Variants in PDE9A observed in about 807,000 individuals in gnomAD.
The protein encoded by PDE9A is high affinity cGMP-specific 3',5'-cyclic phosphodiesterase 9A.
In PDE9A, 60 loss-of-function variants were observed where a neutral mutation model predicts 87.4. The observed-to-expected ratio is 0.69, with a 90% CI of 0.56 to 0.85. PDE9A has a LOEUF of 0.85. Ranked by LOEUF, PDE9A falls within the 40% of genes least tolerant of loss-of-function variation. The pLI, the probability that PDE9A is intolerant of heterozygous loss-of-function variation, is 0.00. For missense variants in PDE9A, 665 were observed against 779.0 expected, an observed-to-expected ratio of 0.85 and a Z score of 1.74; for synonymous variants, 272 against 279.4, an observed-to-expected ratio of 0.97 and a Z score of 0.27.
At chr21:42,679,890 G>A (rs1035172036) in intron 1 of PDE9A, among the ~76,000 whole-genome samples, 2 of 152,200 alleles carry the variant, frequency 1.3e-5, no homozygotes, top group African/African-American at 2.4e-5. Flanking sequence ...TGCCAGTCAA[G>A]ATGCTTCTCA....
chr21:42,697,431 T>C (rs201684089), intron 3 of PDE9A: 35 of 1,611,000 alleles, frequency 2.2e-5, no homozygotes, highest in Non-Finnish European at 2.5e-6. Flanking sequence ...GCTCATTCTC[T>C]ATACATCACT....
intron 1 of PDE9A, among the ~76,000 whole-genome samples, chr21:42,670,578 CAT>C (rs2145963462): frequency 1.3e-5 from 2 of 151,824 alleles, no homozygotes; most frequent in South Asian, 4.2e-4. Context: ...ACACACACCA[CAT>C]ACACGCATAC....
At chr21:42,686,294 C>A (rs773479946) in intron 2 of PDE9A, 32 bp downstream of exon 2, 1 of 1,584,276 alleles carries the variant, frequency 6.3e-7, no homozygotes, top group Non-Finnish European at 8.7e-7. Flanking sequence ...TGCCCGGTGA[C>A]GCCACGCGGC....
intron 4 of PDE9A, among the ~76,000 whole-genome samples, chr21:42,713,999 CT>C (rs934846993): frequency 1.4e-4 from 16 of 114,298 alleles, no homozygotes; most frequent in South Asian, 8.8e-4. Context: ...TTTGTTAAAA[CT>C]TTTTTTTTCA....
chr21:42,768,233 C>T lies in PDE9A; in HGVS notation c.1402C>T (p.Arg468Cys), dbSNP rs747344169. 3.1e-6 allele frequency: 5 copies of T among 1,611,252 alleles called. No individual in the cohort carries two copies. The highest frequency in any genetic ancestry group is 1.1e-5 in the South Asian group (1 of 91,036). ...IKCCDISNEV[R>C]PMEVAEPWVD... ...ATGCTGTGATATCTCTAACGAGGTC[C>T]GTCCAATGGAAGTCGCAGAGCCTTG... The change falls in exon 16 of 20, where the codon CGT becomes TGT. Residue 468 changes from arginine (R) to cysteine (C), a missense_variant. By Grantham distance (180) the Arg-to-Cys change is radical (BLOSUM62 -3). Transcript: ENST00000291539.
intron 1 of PDE9A, among the ~76,000 whole-genome samples, chr21:42,676,946 C>T (rs1318197663): frequency 6.6e-6 from 1 of 152,234 alleles, no homozygotes; most frequent in African/African-American, 2.4e-5. Flanking sequence ...TGTGTGAATA[C>T]AGCAGGGCGG....
chr21:42,697,257 G>A (rs1420965186), intron 3 of PDE9A, among the ~76,000 whole-genome samples: 1 of 151,982 alleles, frequency 6.6e-6, no homozygotes, highest in Non-Finnish European at 1.5e-5. Flanking sequence ...GGAGGTCAGT[G>A]CCACACAGGT....
chr21:42,770,646 C>A, intron 17 of PDE9A, 57 bp from the exon 18 acceptor site: 1 of 1,369,212 alleles, frequency 7.3e-7, no homozygotes, highest in East Asian at 2.3e-5. Context: ...TTTTCTCCGA[C>A]GTTTCCCATT....
At chr21:42,682,714 G>A (rs1283971797) in intron 1 of PDE9A, among the ~76,000 whole-genome samples, 1 of 152,192 alleles carries the variant, frequency 6.6e-6, no homozygotes, top group Non-Finnish European at 1.5e-5. Context: ...GTGACCCTGA[G>A]AGCCCCTACC....
chr21:42,768,343 C>T (rs746254562), intron 16 of PDE9A, 51 bp downstream of exon 16: 45 of 1,228,416 alleles, frequency 3.7e-5, no homozygotes, highest in Admixed American at 1.7e-4. Flanking sequence ...ATTAGCCCCA[C>T]TTAGTAAGGG....
In PDE9A at chr21:42,772,516, T is replaced by G. The variant is rs1223957595; in HGVS notation, c.1764T>G (p.Ser588Arg). The G allele has an allele frequency of 1.3e-6, 2 of 1,594,534 alleles. No individual in the cohort carries two copies. The highest frequency in any genetic ancestry group is 1.7e-6 in the Non-Finnish European group (2 of 1,168,600). ...SRERSRDVKN[S>R]EGDCA ...AGAGAAGCAGAGATGTGAAAAACAG[T>G]GAAGGTAATGCTTGCTCTGCTGAAG... Residue 588 changes from serine to arginine, a missense_variant, in exon 19 of 20, where the codon AGT becomes AGG. Ser to Arg is a moderately radical substitution (Grantham distance 110, BLOSUM62 -1). Transcript: ENST00000291539.
At chr21:42,740,641 GAATGGATGGATAGATAGTATATA>G (rs1292258016) in intron 7 of PDE9A, among the ~76,000 whole-genome samples, 94 of 124,908 alleles carry the variant, frequency 7.5e-4, no homozygotes, top group South Asian at 1.6e-3. Flanking sequence ...ATACATAGAT[GAATGGATGGATAGATAGTATATA>G]AATGGATGGA....
At chr21:42,679,130 G>A (rs2059013546) in intron 1 of PDE9A, among the ~76,000 whole-genome samples, 2 of 152,342 alleles carry the variant, frequency 1.3e-5, no homozygotes, top group East Asian at 1.9e-4. Context: ...CATTCACCAA[G>A]GTGAGCCCTG....
At chr21:42,736,489 G>T (rs951125325) in intron 7 of PDE9A, among the ~76,000 whole-genome samples, 21 of 152,122 alleles carry the variant, frequency 1.4e-4, no homozygotes, top group Admixed American at 4.6e-4. Flanking sequence ...CACATAGATG[G>T]CCTGGAAAAG....
chr21:42,676,617 G>A (rs994026067), intron 1 of PDE9A, among the ~76,000 whole-genome samples: 4 of 152,172 alleles, frequency 2.6e-5, no homozygotes, highest in Non-Finnish European at 5.9e-5. Flanking sequence ...TCCTTGCTGA[G>A]CCGTGTTCCA....
Position 42,687,923 on chromosome 21 carries a change from G to A in PDE9A, c.147G>A (p.Thr49=), listed in dbSNP as rs191138559. ...FCIATGLPRN[T]TISLLTTDDA... ...GCTTGGGTGTGTTTTCCAGGAACAC[G>A]ACCATCTCCCTGCTGACCACCGACG... is the stretch of plus-strand genomic sequence containing the variant. Residue 49 remains threonine, a synonymous_variant, in exon 3 of 20, where the codon ACG becomes ACA. Coordinates refer to ENST00000291539, the MANE Select transcript of PDE9A (RefSeq NM_002606.3). 4.2e-5 allele frequency: 67 copies of A among 1,612,936 alleles called. No individual in the cohort carries two copies. The East Asian group carries it at 8.5e-4, about 20-fold the overall frequency.
At chr21:42,726,199 C>A (rs1166057582) in intron 4 of PDE9A, among the ~76,000 whole-genome samples, 2 of 152,190 alleles carry the variant, frequency 1.3e-5, no homozygotes, top group East Asian at 3.8e-4. Context: ...ATTCTTTATA[C>A]ATGCTATCTG....
At chr21:42,710,129 C>T (rs1037556541) in intron 4 of PDE9A, among the ~76,000 whole-genome samples, 1 of 151,146 alleles carries the variant, frequency 6.6e-6, no homozygotes, top group African/African-American at 2.4e-5. Context: ...CAAGCTGGGC[C>T]GGGCACAGTG....
chr21:42,736,067 G>A (rs1299245936), intron 7 of PDE9A, among the ~76,000 whole-genome samples: 1 of 152,050 alleles, frequency 6.6e-6, no homozygotes, highest in African/African-American at 2.4e-5. Context: ...CGGGCAGCAG[G>A]TGCCTCCCAC....
Sources: allele counts gnomAD v4.1 joint callset (sites outside exome capture counted in the v4.1 genomes callset), GRCh38; gene constraint gnomAD v4.1.1; transcripts MANE v1.5; gene names NCBI Gene and HGNC (gene_info 2026-07-23, HGNC 2026-07-21).